SLC24A2: variants seen among roughly 807,000 people sequenced by gnomAD.
SLC24A2 encodes the protein sodium/potassium/calcium exchanger 2.
A neutral mutation model predicts 62.0 loss-of-function variants in SLC24A2; 36 were observed. The ratio of observed to expected loss-of-function variants is 0.58; its 90% CI spans 0.44 to 0.77. The LOEUF (loss-of-function observed/expected upper bound fraction) is 0.77. SLC24A2 is among the 30% of genes least tolerant of loss of function. SLC24A2 has a pLI of 0.00. For missense variants in SLC24A2, 846 were observed against 817.9 expected, an observed-to-expected ratio of 1.03 and a Z score of -0.42; for synonymous variants, 358 against 294.0, an observed-to-expected ratio of 1.22 and a Z score of -2.23.
chr9:20,307,756 G>C, the SLC24A2 span, among the ~76,000 whole-genome samples: 1 of 152,156 alleles, frequency 6.6e-6, no homozygotes, highest in Non-Finnish European at 1.5e-5. Context: ...ACACATGCTA[G>C]ACCCAAGTTT....
At chr9:20,070,988 G>C in the SLC24A2 span, among the ~76,000 whole-genome samples, 1 of 152,196 alleles carries the variant, frequency 6.6e-6, no homozygotes, top group South Asian at 2.1e-4. Flanking sequence ...CATCCTCCTT[G>C]ATGCTGTTGT....
At chr9:19,718,458 A>ATTTTTTT (rs58736549) in intron 2 of SLC24A2, among the ~76,000 whole-genome samples, 8 of 99,790 alleles carry the variant, frequency 8.0e-5, no homozygotes, top group Non-Finnish European at 1.1e-4. Context: ...ATGCCTGGCT[A>ATTTTTTT]TTTTTTTTTT....
At chr9:19,794,661 A>G in the SLC24A2 span, among the ~76,000 whole-genome samples, 3 of 151,808 alleles carry the variant, frequency 2.0e-5, no homozygotes, top group Non-Finnish European at 4.4e-5. Context: ...CATTTCATCA[A>G]GAGACTTGGA....
chr9:19,965,644 T>G, the SLC24A2 span, among the ~76,000 whole-genome samples: 1 of 152,168 alleles, frequency 6.6e-6, no homozygotes, highest in African/African-American at 2.4e-5. Flanking sequence ...ATAGTCAAAA[T>G]AGCTATGAAA....
chr9:19,646,994 T>G (rs1818654566), intron 2 of SLC24A2, among the ~76,000 whole-genome samples: 1 of 151,922 alleles, frequency 6.6e-6, no homozygotes, highest in Non-Finnish European at 1.5e-5. Context: ...ACCATTTTCA[T>G]GAATCATTCC....
chr9:19,709,263 T>C (rs1238893291), intron 2 of SLC24A2, among the ~76,000 whole-genome samples: 2 of 151,834 alleles, frequency 1.3e-5, no homozygotes, highest in Non-Finnish European at 2.9e-5. Context: ...CAACAGGTGC[T>C]GGAGAGGATG....
the SLC24A2 span, among the ~76,000 whole-genome samples, chr9:20,068,347 C>T: frequency 6.6e-6 from 1 of 152,106 alleles, no homozygotes; most frequent in East Asian, 1.9e-4. Context: ...CAGGTGTGAG[C>T]CACCGCACCT....
the SLC24A2 span, among the ~76,000 whole-genome samples, chr9:20,201,011 A>C: frequency 6.6e-6 from 1 of 152,212 alleles, no homozygotes; most frequent in Non-Finnish European, 1.5e-5. Context: ...AAGGTCCTTT[A>C]ACAAAGAAGT....
the SLC24A2 span, among the ~76,000 whole-genome samples, chr9:20,215,121 G>T: frequency 6.6e-6 from 1 of 152,170 alleles, no homozygotes; most frequent in East Asian, 1.9e-4. Flanking sequence ...TGTAGTGTCT[G>T]GTGAGAGTCA....
intron 3 of SLC24A2, among the ~76,000 whole-genome samples, chr9:19,619,952 T>C (rs1436010884): frequency 6.6e-6 from 1 of 152,226 alleles, no homozygotes; most frequent in Non-Finnish European, 1.5e-5. Context: ...TTCACATCCC[T>C]TCATTTATCT....
chr9:20,086,397 C>T, the SLC24A2 span, among the ~76,000 whole-genome samples: 13 of 152,226 alleles, frequency 8.5e-5, 1 homozygote, highest in African/African-American at 2.6e-4. Flanking sequence ...TCACCTTGAG[C>T]CCCCAGCCTC....
intron 2 of SLC24A2, among the ~76,000 whole-genome samples, chr9:19,638,291 T>A (rs1015954611): frequency 5.9e-5 from 9 of 152,204 alleles, no homozygotes; most frequent in African/African-American, 2.2e-4. Context: ...GTTATTTTCC[T>A]CCATTTGAGC....
chr9:20,236,976 GGACA>G, the SLC24A2 span, among the ~76,000 whole-genome samples: 3 of 151,756 alleles, frequency 2.0e-5, no homozygotes, highest in Admixed American at 6.6e-5. Flanking sequence ...GAGGGGGTGG[GGACA>G]GACAAACACA....
At chr9:19,619,721 G>A (rs754189482) in intron 3 of SLC24A2, 29 bp from the exon 4 acceptor site, 3 of 1,536,398 alleles carry the variant, frequency 2.0e-6, no homozygotes, top group East Asian at 2.2e-5. Flanking sequence ...GAGATGGTTA[G>A]TCTCAGGAAT....
At chr9:19,623,910 C>T (rs1279415809) in intron 2 of SLC24A2, among the ~76,000 whole-genome samples, 1 of 152,168 alleles carries the variant, frequency 6.6e-6, no homozygotes, top group African/African-American at 2.4e-5. Context: ...TCACTAAATT[C>T]GCCTTAACCC....
chr9:19,691,426 T>C (rs1820043720), intron 2 of SLC24A2, among the ~76,000 whole-genome samples: 1 of 152,036 alleles, frequency 6.6e-6, no homozygotes, highest in African/African-American at 2.4e-5. Flanking sequence ...AGGGAATCAA[T>C]CTTTGGAAAA....
chr9:20,231,210 G>A, the SLC24A2 span, among the ~76,000 whole-genome samples: 45 of 152,258 alleles, frequency 3.0e-4, no homozygotes, highest in South Asian at 1.9e-3. Flanking sequence ...TTGACTGGGC[G>A]ATGCGGGCTC....
chr9:19,909,112 G>C, the SLC24A2 span, among the ~76,000 whole-genome samples: 1 of 152,194 alleles, frequency 6.6e-6, no homozygotes, highest in Non-Finnish European at 1.5e-5. Flanking sequence ...ACTGGATTAA[G>C]AAAATGTGGC....
the SLC24A2 span, among the ~76,000 whole-genome samples, chr9:20,016,115 T>C: frequency 6.6e-6 from 1 of 152,230 alleles, no homozygotes; most frequent in Non-Finnish European, 1.5e-5. Flanking sequence ...ATAAGAGGAA[T>C]GTATAAATTG....
Sources: gnomAD v4.1 joint callset for allele counts (sites outside exome capture counted in the v4.1 genomes callset) on GRCh38, gnomAD v4.1.1 for gene constraint, MANE v1.5 for transcripts, NCBI Gene and HGNC (gene_info 2026-07-23, HGNC 2026-07-21) for gene names.